CNTN5: variants seen among roughly 807,000 people sequenced by gnomAD.
CNTN5 encodes contactin-5.
CNTN5 carries 77 observed loss-of-function variants against 129.1 expected under a neutral mutation model. That is an observed-to-expected ratio of 0.60 (90% CI 0.50 to 0.72). CNTN5 has a LOEUF of 0.72. Among genes scored for constraint, CNTN5 ranks in the 30% least tolerant of loss-of-function variants. The pLI, the probability that CNTN5 is intolerant of heterozygous loss-of-function variation, is 0.00. For synonymous variants in CNTN5, 509 were observed against 465.6 expected (o/e 1.09, Z -1.20); for missense variants, 1,478 against 1,328.8 (o/e 1.11, Z -1.75).
intron 3 of CNTN5, among the ~76,000 whole-genome samples, chr11:99,681,428 A>C (rs1258754107): frequency 1.3e-5 from 2 of 152,102 alleles, no homozygotes; most frequent in African/African-American, 2.4e-5. Context: ...TTGTTCAGCA[A>C]CCGTGAACCT....
chr11:100,285,049 T>G lies in CNTN5; in HGVS notation c.2315-12576T>G, dbSNP rs1950740606. On this transcript the variant is annotated intron_variant, in intron 18 of 24. Transcript: ENST00000524871. ...TACTCCTTTTGACCATTCTATTAAA[T>G]AAGATTTTTTAAATGCATGTAAAGA... 3.9e-5 allele frequency among the ~76,000 whole-genome samples: 6 copies of G among 152,156 alleles called. No homozygotes were observed. In the South Asian group the frequency reaches 1.2e-3, roughly 32 times the overall value.
chr11:99,927,770 CAT>C (rs1950096822), intron 7 of CNTN5, among the ~76,000 whole-genome samples: 1 of 152,118 alleles, frequency 6.6e-6, no homozygotes, highest in South Asian at 2.1e-4. Flanking sequence ...ACAGCCAAAT[CAT>C]ATTATTCCAC....
At chr11:99,324,209 T>A (rs188291405) in intron 1 of CNTN5, among the ~76,000 whole-genome samples, 366 of 152,296 alleles carry the variant, frequency 2.4e-3, no homozygotes, top group African/African-American at 8.2e-3. Flanking sequence ...ATACTTTTTA[T>A]CAATCTGATC....
chr11:99,279,999 AAAAG>A, intron 1 of CNTN5, among the ~76,000 whole-genome samples: 1 of 151,834 alleles, frequency 6.6e-6, no homozygotes, highest in African/African-American at 2.4e-5. Flanking sequence ...TCGACTCAGA[AAAAG>A]AAAAAAAATC....
intron 1 of CNTN5, among the ~76,000 whole-genome samples, chr11:99,314,238 C>T (rs1372418670): frequency 6.6e-6 from 1 of 151,540 alleles, no homozygotes; most frequent in African/African-American, 2.4e-5. Context: ...CATTGCTAGC[C>T]CAAGTAGGAT....
chr11:100,030,411 C>CAGA (rs1299331773), intron 9 of CNTN5, among the ~76,000 whole-genome samples: 1 of 152,126 alleles, frequency 6.6e-6, no homozygotes, highest in African/African-American at 2.4e-5. Context: ...TAGTAGACAG[C>CAGA]AGAAGTCTCT....
At chr11:99,267,922 A>G (rs4754598) in intron 1 of CNTN5, among the ~76,000 whole-genome samples, 21,699 of 64,556 alleles carry the variant, frequency 0.34, 1,717 homozygotes, top group South Asian at 0.42. Context: ...ACACACACGC[A>G]CACACACACA....
intron 2 of CNTN5, among the ~76,000 whole-genome samples, chr11:99,484,886 G>T (rs1284215725): frequency 6.6e-6 from 1 of 152,070 alleles, no homozygotes; most frequent in African/African-American, 2.4e-5. Flanking sequence ...GTAAAAAGTA[G>T]AACAGAGGAT....
At chr11:99,513,433 G>A (rs894593628) in intron 2 of CNTN5, among the ~76,000 whole-genome samples, 2 of 152,116 alleles carry the variant, frequency 1.3e-5, no homozygotes, top group African/African-American at 2.4e-5. Flanking sequence ...TGTAGACAAA[G>A]AGCCTTCTGT....
chr11:99,917,486 G>A (rs11821472), intron 7 of CNTN5, among the ~76,000 whole-genome samples: 4,883 of 152,070 alleles, frequency 0.032, 146 homozygotes, highest in African/African-American at 0.073. Flanking sequence ...TTCATCCAAG[G>A]GGGTTATTAG....
In CNTN5 at chr11:99,200,998, C is replaced by G. The variant is rs149496438; in HGVS notation, c.-209-124348C>G. Reference sequence around the variant, plus strand: ...ATTTATAGCTTTCTTGCCTGCCCACCTGCCTTCCTTCCTTCCTTCCTTCCT... The same window carrying G: ...ATTTATAGCTTTCTTGCCTGCCCACGTGCCTTCCTTCCTTCCTTCCTTCCT... On this transcript the variant is annotated intron_variant, in intron 1 of 24. Transcript: ENST00000524871. 2.1e-3 allele frequency among the ~76,000 whole-genome samples: 319 copies of G among 148,626 alleles called. 2 individuals carry two copies. Among genetic ancestry groups the G allele is most frequent in the African/African-American group, 7.5e-3 (306 of 40,568 alleles).
At chr11:99,631,882 G>C (rs1266263255) in intron 3 of CNTN5, among the ~76,000 whole-genome samples, 1 of 152,066 alleles carries the variant, frequency 6.6e-6, no homozygotes, top group East Asian at 1.9e-4. Context: ...AATACAAGTA[G>C]GTATTTTGAG....
chr11:99,075,533 T>G (rs2135263490), intron 1 of CNTN5, among the ~76,000 whole-genome samples: 1 of 152,322 alleles, frequency 6.6e-6, no homozygotes, highest in East Asian at 1.9e-4. Flanking sequence ...CATTTCAACC[T>G]GAGGCTAGCT....
At chr11:100,183,552 C>G (rs535690313) in intron 13 of CNTN5, among the ~76,000 whole-genome samples, 36 of 151,894 alleles carry the variant, frequency 2.4e-4, no homozygotes, top group African/African-American at 8.4e-4. Flanking sequence ...AAAATGCAAA[C>G]TAGAAAAATG....
At chr11:99,195,525 G>C (rs575414526) in intron 1 of CNTN5, among the ~76,000 whole-genome samples, 1 of 151,924 alleles carries the variant, frequency 6.6e-6, no homozygotes, top group East Asian at 1.9e-4. Context: ...ATTATTTTGG[G>C]GAGAGTGTAT....
intron 6 of CNTN5, among the ~76,000 whole-genome samples, chr11:99,907,694 A>G (rs1035646371): frequency 1.3e-5 from 2 of 151,970 alleles, no homozygotes; most frequent in African/African-American, 2.4e-5. Context: ...TAATAGATAT[A>G]TATGACACAT....
At chr11:99,649,220 C>T (rs909450505) in intron 3 of CNTN5, among the ~76,000 whole-genome samples, 1 of 151,578 alleles carries the variant, frequency 6.6e-6, no homozygotes, top group Non-Finnish European at 1.5e-5. Context: ...TTGCTAATTA[C>T]AAATTATTTC....
At chr11:99,435,217 C>T (rs1388247332) in intron 2 of CNTN5, among the ~76,000 whole-genome samples, 2 of 152,052 alleles carry the variant, frequency 1.3e-5, no homozygotes, top group African/African-American at 4.8e-5. Flanking sequence ...GTCAAATTGT[C>T]ATCTTTTTGT....
intron 2 of CNTN5, among the ~76,000 whole-genome samples, chr11:99,364,050 A>C (rs377607819): frequency 1.1e-4 from 17 of 152,244 alleles, no homozygotes; most frequent in African/African-American, 3.8e-4. Flanking sequence ...TGTGTTTTAA[A>C]ATAACAAATA....
Sources: allele counts gnomAD v4.1 joint callset (sites outside exome capture counted in the v4.1 genomes callset), GRCh38; gene constraint gnomAD v4.1.1; transcripts MANE v1.5; gene names NCBI Gene and HGNC (gene_info 2026-07-23, HGNC 2026-07-21).